Variants in GRID2 observed in about 807,000 individuals in gnomAD.
The protein encoded by GRID2 is glutamate receptor ionotropic, delta-2.
A neutral mutation model predicts 114.8 loss-of-function variants in GRID2; 33 were observed. The ratio of observed to expected loss-of-function variants is 0.29; its 90% CI spans 0.22 to 0.38. GRID2 has a LOEUF of 0.38. Among genes scored for constraint, GRID2 ranks in the 10% least tolerant of loss-of-function variants. GRID2 has a pLI of 1.00. For synonymous variants in GRID2, 505 were observed against 449.9 expected, an observed-to-expected ratio of 1.12 and a Z score of -1.55; for missense variants, 1,184 against 1,257.7, an observed-to-expected ratio of 0.94 and a Z score of 0.89.
chr4:92,636,730 T>A (rs993625367), intron 2 of GRID2, among the ~76,000 whole-genome samples: 22 of 151,896 alleles, frequency 1.4e-4, no homozygotes, highest in African/African-American at 5.3e-4. Context: ...GGTCCCAGCG[T>A]CCCCTGCCAA....
At chr4:93,164,063 T>C (rs2149412292) in intron 4 of GRID2, among the ~76,000 whole-genome samples, 1 of 152,160 alleles carries the variant, frequency 6.6e-6, no homozygotes, top group South Asian at 2.1e-4. Flanking sequence ...ACACGTGAAC[T>C]TGGTTTTCTT....
chr4:92,758,380 A>G (rs1737831430), intron 2 of GRID2, among the ~76,000 whole-genome samples: 1 of 152,102 alleles, frequency 6.6e-6, no homozygotes, highest in Admixed American at 6.6e-5. Flanking sequence ...TTGGAAACCA[A>G]CAAGAACCCT....
At chr4:93,321,675 C>A (rs1342108232) in intron 8 of GRID2, among the ~76,000 whole-genome samples, 1 of 151,624 alleles carries the variant, frequency 6.6e-6, no homozygotes, top group Admixed American at 6.6e-5. Context: ...CTTTGAAATA[C>A]TTTTTTTATT....
chr4:92,504,877 A>G (rs1056044163), intron 1 of GRID2, among the ~76,000 whole-genome samples: 2 of 152,086 alleles, frequency 1.3e-5, no homozygotes, highest in African/African-American at 2.4e-5. Flanking sequence ...ACATGAGCCA[A>G]TAATATTCAG....
intron 8 of GRID2, chr4:93,318,924 T>A (rs996365138): frequency 2.0e-5 from 3 of 152,190 alleles, no homozygotes; most frequent in Admixed American, 2.0e-4. Flanking sequence ...TTTAGTAATA[T>A]GCTGATAAAT....
intron 2 of GRID2, among the ~76,000 whole-genome samples, chr4:92,769,296 T>C (rs1738418946): frequency 6.6e-6 from 1 of 152,150 alleles, no homozygotes; most frequent in Admixed American, 6.5e-5. Context: ...ATTCCCATGG[T>C]CTTAGGTAGC....
At chr4:92,904,012 GTTTCT>G (rs1173403945) in intron 2 of GRID2, among the ~76,000 whole-genome samples, 2 of 151,802 alleles carry the variant, frequency 1.3e-5, no homozygotes, top group African/African-American at 4.8e-5. Context: ...ACTCAATGCA[GTTTCT>G]TTTCTTATTT....
At position 92,440,212 on chromosome 4, in the gene GRID2, G is replaced by A. The variant is rs554491824; in HGVS notation, c.88+135468G>A. 1.5e-4 allele frequency among the ~76,000 whole-genome samples: 22 copies of A among 145,568 alleles called. 2 individuals carry two copies. The highest frequency in any genetic ancestry group is 4.9e-5 in the African/African-American group (2 of 40,988). ...AGTCCGTTCTACTTTTCTTGAAGAC[G>A]GAGGACCTTAAGGGATATAAAGGTT... On this transcript the variant is annotated intron_variant, in intron 1 of 15. Coordinates refer to ENST00000282020, the MANE Select transcript of GRID2 (RefSeq NM_001510.4).
chr4:93,137,508 G>A (rs1298848577), intron 4 of GRID2, among the ~76,000 whole-genome samples: 1 of 152,062 alleles, frequency 6.6e-6, no homozygotes, highest in Non-Finnish European at 1.5e-5. Context: ...CTAAGCAGGT[G>A]ACAAGCAATG....
chr4:93,126,523 C>A (rs1306677891), intron 4 of GRID2, among the ~76,000 whole-genome samples: 3 of 151,436 alleles, frequency 2.0e-5, no homozygotes, highest in Non-Finnish European at 2.9e-5. Flanking sequence ...ATAATACCTA[C>A]CCCAGCTGTG....
At chr4:92,799,711 A>AATACAC (rs1740064485) in intron 2 of GRID2, among the ~76,000 whole-genome samples, 1 of 151,982 alleles carries the variant, frequency 6.6e-6, no homozygotes, top group African/African-American at 2.4e-5. Context: ...TACAAATACA[A>AATACAC]AACAGATACA....
In GRID2 at chr4:92,722,426, T is replaced by C. The variant is rs1297430477; in HGVS notation, c.244+132140T>C. 2.0e-5 allele frequency among the ~76,000 whole-genome samples: 3 copies of C among 152,148 alleles called. No homozygotes were observed. In the East Asian group the frequency reaches 5.8e-4, roughly 29 times the overall value. On this transcript the variant is annotated intron_variant, in intron 2 of 15. Coordinates refer to ENST00000282020, the MANE Select transcript of GRID2 (RefSeq NM_001510.4). ...AAAAAATAAAATGCCCTAGAATTTA[T>C]CTTACTCCTGAGAATGAGGAAAAGG...
At chr4:93,769,949 C>T (rs1254210324) in intron 15 of GRID2, among the ~76,000 whole-genome samples, 3 of 152,114 alleles carry the variant, frequency 2.0e-5, no homozygotes, top group Non-Finnish European at 4.4e-5. Context: ...AGAAGCTCTT[C>T]GATGGCCCCA....
At chr4:92,751,231 T>G (rs918531304) in intron 2 of GRID2, among the ~76,000 whole-genome samples, 1 of 152,102 alleles carries the variant, frequency 6.6e-6, no homozygotes, top group African/African-American at 2.4e-5. Context: ...TTAAACTAAC[T>G]TTAAGAAAAT....
At chr4:92,963,697 A>T (rs1050206377) in intron 2 of GRID2, among the ~76,000 whole-genome samples, 35 of 151,850 alleles carry the variant, frequency 2.3e-4, no homozygotes, top group Non-Finnish European at 1.3e-4. Context: ...TATGTTGATC[A>T]CCTCCCATGA....
chr4:93,568,025 A>T (rs567765742), intron 13 of GRID2, among the ~76,000 whole-genome samples: 1 of 152,306 alleles, frequency 6.6e-6, no homozygotes, highest in Non-Finnish European at 1.5e-5. Flanking sequence ...AATTACAAAG[A>T]GTATGAGCCT....
intron 8 of GRID2, among the ~76,000 whole-genome samples, chr4:93,352,778 C>G (rs1429309862): frequency 1.3e-5 from 2 of 151,988 alleles, no homozygotes; most frequent in Non-Finnish European, 2.9e-5. Context: ...AAGAGCAAGA[C>G]TATTTTTGTA....
intron 14 of GRID2, among the ~76,000 whole-genome samples, chr4:93,741,663 C>A (rs1731429080): frequency 6.6e-6 from 1 of 152,196 alleles, no homozygotes; most frequent in Admixed American, 6.5e-5. Context: ...CACAGTGGCT[C>A]ACGCCTGTAA....
chr4:92,506,668 T>C (rs1226301373), intron 1 of GRID2, among the ~76,000 whole-genome samples: 21 of 151,922 alleles, frequency 1.4e-4, no homozygotes, highest in Admixed American at 3.9e-4. Context: ...CCCTTACCTA[T>C]ATACGATAAT....
Sources: allele counts gnomAD v4.1 joint callset (sites outside exome capture counted in the v4.1 genomes callset), GRCh38; gene constraint gnomAD v4.1.1; transcripts MANE v1.5; gene names NCBI Gene and HGNC (gene_info 2026-07-23, HGNC 2026-07-21).